Variants in HIP1 observed in about 807,000 individuals in gnomAD.
HIP1 encodes the protein huntingtin-interacting protein 1.
HIP1 carries 65 observed loss-of-function variants against 147.6 expected under a neutral mutation model. That is an observed-to-expected ratio of 0.44 (90% CI 0.36 to 0.54). The LOEUF is 0.54. Among genes scored for constraint, HIP1 ranks in the 20% least tolerant of loss-of-function variants. The probability of loss-of-function intolerance (pLI) is 0.00; values close to 1 mark genes in which losing one functional copy is unlikely to be tolerated. For synonymous variants in HIP1, 479 were observed against 504.0 expected (o/e 0.95, Z 0.67); for missense variants, 1,061 against 1,299.6 (o/e 0.82, Z 2.82).
At chr7:75,683,508 A>C (rs1800163265) in intron 1 of HIP1, among the ~76,000 whole-genome samples, 1 of 152,180 alleles carries the variant, frequency 6.6e-6, no homozygotes, top group Admixed American at 6.6e-5. Context: ...CTGTGTGTGC[A>C]GATGCACCCT....
chr7:75,558,912 G>C (rs913346319), intron 14 of HIP1, among the ~76,000 whole-genome samples: 1 of 152,060 alleles, frequency 6.6e-6, no homozygotes, highest in Admixed American at 6.6e-5. Flanking sequence ...CCAGCTACTC[G>C]GGAGGCTGAG....
At chr7:75,611,106 A>G (rs1172920989) in intron 1 of HIP1, among the ~76,000 whole-genome samples, 98 of 150,464 alleles carry the variant, frequency 6.5e-4, no homozygotes, top group African/African-American at 2.2e-3. Context: ...TTTAGTAGAG[A>G]CAGGGTTTTA....
intron 22 of HIP1, among the ~76,000 whole-genome samples, chr7:75,550,738 T>C (rs12535096): frequency 0.88 from 133,237 of 152,170 alleles, 59,426 homozygotes; most frequent in Middle Eastern, 0.95. Context: ...TATTTTTTAA[T>C]TCCACATAGA....
chr7:75,596,356 T>C (rs181527407), intron 2 of HIP1, among the ~76,000 whole-genome samples: 185 of 151,970 alleles, frequency 1.2e-3, no homozygotes, highest in Non-Finnish European at 2.2e-3. Context: ...CAGAGACTCA[T>C]AGAATGTTAG....
At chr7:75,708,073 T>C (rs1370109171) in intron 1 of HIP1, among the ~76,000 whole-genome samples, 4 of 147,690 alleles carry the variant, frequency 2.7e-5, no homozygotes, top group Non-Finnish European at 4.4e-5. Context: ...CCAAAAGCAA[T>C]GGCAACAAAA....
intron 7 of HIP1, among the ~76,000 whole-genome samples, chr7:75,580,964 A>T (rs1196010034): frequency 1.7e-4 from 26 of 152,016 alleles, no homozygotes; most frequent in Admixed American, 1.7e-3. Flanking sequence ...CTGGTCTTGA[A>T]CTTCTGGCCT....
chr7:75,572,246 G>A (rs1476139968), intron 8 of HIP1, among the ~76,000 whole-genome samples: 1 of 150,128 alleles, frequency 6.7e-6, no homozygotes, highest in East Asian at 1.9e-4. Flanking sequence ...AAAAAAAAGT[G>A]TAAGAACTTC....
intron 1 of HIP1, among the ~76,000 whole-genome samples, chr7:75,732,051 T>C (rs1037185160): frequency 1.3e-5 from 2 of 152,114 alleles, no homozygotes; most frequent in Non-Finnish European, 2.9e-5. Context: ...CTTAAGATCA[T>C]GAGCAAGAGG....
chr7:75,658,930 CAAAG>C (rs1799221456), intron 1 of HIP1, among the ~76,000 whole-genome samples: 1 of 151,930 alleles, frequency 6.6e-6, no homozygotes, highest in Non-Finnish European at 1.5e-5. Flanking sequence ...AACAAACAAA[CAAAG>C]AAAAAACAGG....
intron 9 of HIP1, among the ~76,000 whole-genome samples, chr7:75,567,263 G>A (rs587732798): frequency 4.6e-5 from 7 of 150,860 alleles, no homozygotes; most frequent in Admixed American, 4.6e-4. Context: ...GCATTCAGAA[G>A]TAAGGTCTGG....
chr7:75,573,932 T>A (rs1554497165), intron 7 of HIP1, 31 bp from the exon 8 acceptor site: 1 of 1,591,968 alleles, frequency 6.3e-7, no homozygotes, highest in African/African-American at 1.3e-5. Flanking sequence ...AGAAAGGTGG[T>A]AGAGCCAGGG....
At chr7:75,685,422 C>T (rs1271898678) in intron 1 of HIP1, among the ~76,000 whole-genome samples, 1 of 152,204 alleles carries the variant, frequency 6.6e-6, no homozygotes, top group African/African-American at 2.4e-5. Flanking sequence ...GCGTGTGCTC[C>T]CTACGGTTCA....
rs782588487 is a variant in HIP1 at position 75,547,051 on chromosome 7, G to A, written c.2466-19C>T. On this transcript the variant is annotated intron_variant, in intron 24 of 30. Coordinates refer to ENST00000336926, the MANE Select transcript of HIP1 (RefSeq NM_005338.7). ...AAGGATCCTGCCAAACAAACAAGTC[G>A]AGGATACACTGAGATCAAGATCCAA... 12 of 1,546,964 alleles carry A rather than the reference G, an allele frequency of 7.8e-6. No individual in the cohort carries two copies. The highest frequency in any genetic ancestry group is 4.7e-5 in the East Asian group (2 of 42,942).
rs374702869 is a variant in HIP1 at position 75,535,383 on chromosome 7, T to A, written c.*2789A>T. On this transcript the variant is annotated 3_prime_UTR_variant, in exon 31 of 31. Coordinates refer to ENST00000336926, the MANE Select transcript of HIP1 (RefSeq NM_005338.7). ...GAATCTTTTTTTTTTTGAGACAGGG[T>A]CTCACTCTGTCACCCAGGCCGGAGT... 1.7e-4 allele frequency: 31 copies of A among 185,162 alleles called. No individual in the cohort carries two copies. The East Asian group carries it at 2.4e-3, about 15-fold the overall frequency. The allele number at this position is 185,162 out of a possible 1,614,324, so 11.5% of individuals were successfully genotyped here.
chr7:75,604,418 A>T (rs1320791130), intron 1 of HIP1, among the ~76,000 whole-genome samples: 1 of 152,136 alleles, frequency 6.6e-6, no homozygotes, highest in Non-Finnish European at 1.5e-5. Flanking sequence ...TCATGCCTGT[A>T]ATCCCAGTAC....
At chr7:75,701,556 T>G (rs1800834883) in intron 1 of HIP1, among the ~76,000 whole-genome samples, 1 of 151,972 alleles carries the variant, frequency 6.6e-6, no homozygotes, top group African/African-American at 2.4e-5. Context: ...TTAAAAAATG[T>G]TTTTTAAATT....
intron 17 of HIP1, 51 bp from the exon 18 acceptor site, chr7:75,556,220 T>A (rs1554493305): frequency 1.3e-6 from 2 of 1,593,312 alleles, no homozygotes; most frequent in East Asian, 4.5e-5. Flanking sequence ...AGTTAAACAG[T>A]CCCTACTTCC....
intron 1 of HIP1, among the ~76,000 whole-genome samples, chr7:75,716,174 C>T (rs191644153): frequency 1.1e-4 from 17 of 152,232 alleles, no homozygotes; most frequent in African/African-American, 4.1e-4. Context: ...AATTACTTTC[C>T]AGTATGGAAA....
chr7:75,713,443 G>A (rs1335743862), intron 1 of HIP1, among the ~76,000 whole-genome samples: 1 of 152,158 alleles, frequency 6.6e-6, no homozygotes, highest in Non-Finnish European at 1.5e-5. Context: ...CAAAATTTCT[G>A]CAAGGCTGCT....
Sources: gnomAD v4.1 joint callset for allele counts (sites outside exome capture counted in the v4.1 genomes callset) on GRCh38, gnomAD v4.1.1 for gene constraint, MANE v1.5 for transcripts, NCBI Gene and HGNC (gene_info 2026-07-23, HGNC 2026-07-21) for gene names.